The following ASTN1 variants were observed in gnomAD, a reference collection of about 807,000 sequenced individuals.
ASTN1 encodes the protein astrotactin 1, also known as astrotactin-1.
Under a neutral mutation model 140.7 loss-of-function variants are expected in ASTN1, and 41 were observed. The observed-to-expected ratio is 0.29, with a 90% CI of 0.23 to 0.38. The LOEUF (loss-of-function observed/expected upper bound fraction) is 0.38, where lower values mean the gene tolerates loss of function less well. ASTN1 is among the 10% of genes least tolerant of loss of function. The pLI is 1.00. For missense variants in ASTN1, 1,479 were observed against 1,678.8 expected, an observed-to-expected ratio of 0.88 and a Z score of 2.08; for synonymous variants, 640 against 652.2, an observed-to-expected ratio of 0.98 and a Z score of 0.29.
chr1:176,918,016 G>A (rs1380481389), intron 16 of ASTN1, among the ~76,000 whole-genome samples: 1 of 152,046 alleles, frequency 6.6e-6, no homozygotes, highest in Non-Finnish European at 1.5e-5. Flanking sequence ...TATTCTCTAA[G>A]TGAACTTGGC....
intron 21 of ASTN1, among the ~76,000 whole-genome samples, chr1:176,869,513 C>T (rs906404910): frequency 2.0e-5 from 3 of 151,712 alleles, no homozygotes; most frequent in Non-Finnish European, 2.9e-5. Context: ...GAAGCAGGAG[C>T]GAAGATAAAG....
At chr1:177,155,310 ACATT>A (rs2102255178) in intron 1 of ASTN1, among the ~76,000 whole-genome samples, 2 of 152,354 alleles carry the variant, frequency 1.3e-5, no homozygotes, top group East Asian at 3.9e-4. Flanking sequence ...ACATGTGTGA[ACATT>A]CATTAACTTT....
At chr1:177,029,496 T>A in intron 5 of ASTN1, 138 bp downstream of exon 5, 1 of 876,236 alleles carries the variant, frequency 1.1e-6, no homozygotes, top group Non-Finnish European at 1.9e-6. Context: ...GAAACACCAG[T>A]TGTGGTCCAA....
At position 176,965,324 on chromosome 1, in the gene ASTN1, T is replaced by C. The variant is rs570753645; in HGVS notation, c.1524-87A>G. 6.7e-6 allele frequency: 9 copies of C among 1,338,314 alleles called. No homozygotes were observed. The African/African-American group carries it at 1.0e-4, about 15-fold the overall frequency. The allele number at this position is 1,338,314 out of a possible 1,614,324, so 82.9% of individuals were successfully genotyped here. On this transcript the variant is annotated intron_variant, in intron 8 of 22. Transcript: ENST00000361833. ...TCGTATCAGGCACAGTGCTAGGTGG[T>C]AGACACCCAGCCATCCAGGGCATAG...
intron 2 of ASTN1, among the ~76,000 whole-genome samples, chr1:177,043,544 A>G (rs1275361253): frequency 2.0e-5 from 3 of 152,240 alleles, no homozygotes; most frequent in Non-Finnish European, 4.4e-5. Context: ...GCTTCCTCCA[A>G]CTGGTAACTG....
At chr1:176,895,674 T>C (rs1344677143) in intron 16 of ASTN1, among the ~76,000 whole-genome samples, 5 of 152,256 alleles carry the variant, frequency 3.3e-5, no homozygotes, top group African/African-American at 9.6e-5. Flanking sequence ...TCTTTTGGTC[T>C]ACTTTTGGTG....
rs201131275 is a variant in ASTN1 at position 176,992,441 on chromosome 1, T to TA, written c.1523+22349dup. Among the ~76,000 whole-genome samples the TA allele has an allele frequency of 1.4e-3, 209 of 150,840 alleles. 2 individuals carry two copies. Among genetic ancestry groups the TA allele is most frequent in the East Asian group, 0.012 (63 of 5,142 alleles). On this transcript the variant is annotated intron_variant, in intron 8 of 22. Transcript: ENST00000361833. ...AAAAAAAAATTTGCCTTGAACGTTG[T>TA]AAAAAAAAATGAGTTGAGAGACAAT...
chr1:176,965,665 G>A (rs1672846852), intron 8 of ASTN1, among the ~76,000 whole-genome samples: 1 of 152,148 alleles, frequency 6.6e-6, no homozygotes, highest in African/African-American at 2.4e-5. Flanking sequence ...GTCTGACCAT[G>A]GACCGATAAT....
At chr1:177,154,161 G>A (rs936306186) in intron 1 of ASTN1, among the ~76,000 whole-genome samples, 6 of 152,062 alleles carry the variant, frequency 3.9e-5, no homozygotes, top group East Asian at 1.9e-4. Context: ...TTGTAGTGAC[G>A]GAAAGCAGGA....
chr1:176,924,306 T>C (rs75998754), intron 16 of ASTN1, among the ~76,000 whole-genome samples: 1 of 152,206 alleles, frequency 6.6e-6, no homozygotes, highest in East Asian at 1.9e-4. Context: ...GGGTTTTGTG[T>C]TTGCTATTTC....
chr1:176,945,579 T>G (rs1347714074), intron 13 of ASTN1, among the ~76,000 whole-genome samples: 4 of 152,190 alleles, frequency 2.6e-5, no homozygotes, highest in African/African-American at 9.6e-5. Flanking sequence ...TGGATGACAC[T>G]GTGAAGACTG....
In ASTN1 at chr1:177,149,232, A is replaced by G. The variant is rs57619322; in HGVS notation, c.283+15162T>C. 2.1e-4 allele frequency among the ~76,000 whole-genome samples: 17 copies of G among 80,304 alleles called. 2 individuals are homozygous for G. Among genetic ancestry groups the G allele is most frequent in the African/African-American group, 5.5e-4 (5 of 9,120 alleles). The allele number at this position is 80,304 out of a possible 152,430, so 52.7% of individuals were successfully genotyped here. A position where few individuals can be genotyped will look rare whatever the true frequency, so the allele number is the denominator to read the frequency against. On this transcript the variant is annotated intron_variant, in intron 1 of 22. Coordinates refer to ENST00000361833, the MANE Select transcript of ASTN1 (RefSeq NM_004319.3). The stretch of plus-strand genomic sequence containing the variant: ...TGTATATATAGTAAATATATATAGT[A>G]AATATATATATACTATATATAGTAA...
At chr1:176,967,401 C>T (rs556776859) in intron 8 of ASTN1, among the ~76,000 whole-genome samples, 1 of 152,042 alleles carries the variant, frequency 6.6e-6, no homozygotes, top group Non-Finnish European at 1.5e-5. Flanking sequence ...AAAAATATTC[C>T]CTATAATCCC....
intron 16 of ASTN1, among the ~76,000 whole-genome samples, chr1:176,915,235 T>C (rs987952494): frequency 1.3e-5 from 2 of 152,210 alleles, no homozygotes; most frequent in South Asian, 2.1e-4. Flanking sequence ...GTTACATTAC[T>C]GAGGACCTAC....
intron 14 of ASTN1, among the ~76,000 whole-genome samples, chr1:176,942,801 C>T (rs1671775252): frequency 9.3e-6 from 1 of 107,836 alleles, no homozygotes; most frequent in Non-Finnish European, 1.9e-5. Context: ...CAGACCAAAC[C>T]AATGTACTTT....
At chr1:177,093,644 C>T (rs1221338300) in intron 1 of ASTN1, among the ~76,000 whole-genome samples, 1 of 152,134 alleles carries the variant, frequency 6.6e-6, no homozygotes, top group Non-Finnish European at 1.5e-5. Context: ...AAAGATCCTG[C>T]ACACACCCTC....
intron 7 of ASTN1, among the ~76,000 whole-genome samples, chr1:177,020,912 C>A (rs1285337530): frequency 1.3e-5 from 2 of 152,150 alleles, no homozygotes; most frequent in East Asian, 3.9e-4. Flanking sequence ...CTCCATGCAT[C>A]CATATGGGCA....
intron 5 of ASTN1, 32 bp from the exon 6 acceptor site, chr1:177,024,764 G>T: frequency 6.3e-7 from 1 of 1,597,944 alleles, no homozygotes; most frequent in Non-Finnish European, 8.6e-7. Context: ...GATACATGGT[G>T]GTAAAAAGCT....
chr1:177,032,432 C>T (rs761686327), intron 3 of ASTN1, 24 bp downstream of exon 3: 2 of 1,604,946 alleles, frequency 1.2e-6, no homozygotes, highest in Non-Finnish European at 8.5e-7. Flanking sequence ...ACCAAACAGC[C>T]CCTTGCCTTT....
Sources: gnomAD v4.1 joint callset for allele counts (sites outside exome capture counted in the v4.1 genomes callset) on GRCh38, gnomAD v4.1.1 for gene constraint, MANE v1.5 for transcripts, NCBI Gene and HGNC (gene_info 2026-07-23, HGNC 2026-07-21) for gene names.